The following RBFOX1 variants were observed in gnomAD, a reference collection of about 807,000 sequenced individuals.
RBFOX1 encodes the protein RNA binding protein fox-1 homolog 1.
RBFOX1 carries 8 observed loss-of-function variants against 57.7 expected under a neutral mutation model. That is an observed-to-expected ratio of 0.14 (90% CI 0.08 to 0.25). RBFOX1 has a LOEUF of 0.25. Among genes scored for constraint, RBFOX1 ranks in the 10% least tolerant of loss-of-function variants. The pLI is 1.00. For missense variants in RBFOX1, 611 were observed against 548.5 expected, an observed-to-expected ratio of 1.11 and a Z score of -1.14; for synonymous variants, 326 against 222.4, an observed-to-expected ratio of 1.47 and a Z score of -4.15.
intron 2 of RBFOX1, among the ~76,000 whole-genome samples, chr16:5,561,540 G>C (rs1317622387): frequency 6.6e-6 from 1 of 152,062 alleles, no homozygotes; most frequent in Non-Finnish European, 1.5e-5. Context: ...ACAAAAGAAA[G>C]CCATTATGCA....
intron 2 of RBFOX1, among the ~76,000 whole-genome samples, chr16:6,621,416 A>G (rs1279492610): frequency 2.0e-5 from 3 of 152,196 alleles, no homozygotes; most frequent in African/African-American, 7.2e-5. Context: ...GTGAACCAAG[A>G]TTGCGCCACT....
chr16:6,515,671 C>G (rs912277332), intron 2 of RBFOX1, among the ~76,000 whole-genome samples: 1 of 152,116 alleles, frequency 6.6e-6, no homozygotes, highest in South Asian at 2.1e-4. Context: ...AATCTGCCTG[C>G]CTTCTCTTAT....
At chr16:6,886,793 A>C (rs908340691) in intron 3 of RBFOX1, among the ~76,000 whole-genome samples, 3 of 151,496 alleles carry the variant, frequency 2.0e-5, no homozygotes, top group South Asian at 2.1e-4. Context: ...CAAAAAAAAA[A>C]CCAGAAAAAA....
intron 4 of RBFOX1, chr16:5,867,400 G>T (rs139499580): frequency 1.0e-6 from 1 of 985,350 alleles, no homozygotes; most frequent in Non-Finnish European, 1.3e-6. Flanking sequence ...TTGTGATGGA[G>T]TGTAACGAGC....
rs186362768 is a variant in RBFOX1 at position 5,724,404 on chromosome 16, T to G, written c.318+125443T>G. The stretch of plus-strand genomic sequence containing the variant: ...GGAGCTGCAGGTGATGGGCCTCATT[T>G]GGTCAAACTGGCTTCCCTTGAGTCT... On this transcript the variant is annotated intron_variant, in intron 3 of 19. Coordinates refer to the RBFOX1 transcript ENST00000641259. 4.6e-5 allele frequency among the ~76,000 whole-genome samples: 7 copies of G among 152,276 alleles called. 1 individual carries two copies. In the East Asian group the frequency reaches 1.4e-3, roughly 30 times the overall value.
At chr16:7,484,308 T>C (rs891960096) in intron 4 of RBFOX1, among the ~76,000 whole-genome samples, 3 of 152,222 alleles carry the variant, frequency 2.0e-5, no homozygotes, top group African/African-American at 7.2e-5. Context: ...TACATGTCTT[T>C]ATGTGGACAC....
chr16:6,862,753 G>C (rs1319346352), intron 3 of RBFOX1, among the ~76,000 whole-genome samples: 1 of 152,180 alleles, frequency 6.6e-6, no homozygotes, highest in Non-Finnish European at 1.5e-5. Flanking sequence ...GTAAGGCCGA[G>C]GCTGGTGGAT....
chr16:7,615,770 T>A (rs2058339009), intron 10 of RBFOX1, among the ~76,000 whole-genome samples: 1 of 152,086 alleles, frequency 6.6e-6, no homozygotes, highest in Non-Finnish European at 1.5e-5. Flanking sequence ...ATCTAGTGGG[T>A]GGAGGCCAAG....
intron 4 of RBFOX1, among the ~76,000 whole-genome samples, chr16:7,376,532 C>G (rs2097688948): frequency 2.0e-5 from 3 of 152,108 alleles, no homozygotes; most frequent in Non-Finnish European, 4.4e-5. Context: ...TGATAAGTCC[C>G]TAAATTCAGA....
intron 1 of RBFOX1, among the ~76,000 whole-genome samples, chr16:5,388,341 A>G (rs1380435057): frequency 6.6e-6 from 1 of 152,190 alleles, no homozygotes; most frequent in Non-Finnish European, 1.5e-5. Flanking sequence ...GATCTCTGCC[A>G]AGCGACAACA....
intron 2 of RBFOX1, among the ~76,000 whole-genome samples, chr16:6,411,176 T>A (rs1024978569): frequency 1.3e-5 from 2 of 151,904 alleles, no homozygotes; most frequent in Non-Finnish European, 2.9e-5. Context: ...AGAGGTGGAG[T>A]CTTGCAAAGT....
At chr16:7,008,498 C>A (rs1044065095) in intron 3 of RBFOX1, among the ~76,000 whole-genome samples, 4 of 152,034 alleles carry the variant, frequency 2.6e-5, no homozygotes, top group Non-Finnish European at 4.4e-5. Flanking sequence ...TGAGATCATA[C>A]CACTGCACTC....
At chr16:6,518,620 G>C (rs748499641) in intron 2 of RBFOX1, among the ~76,000 whole-genome samples, 2 of 152,090 alleles carry the variant, frequency 1.3e-5, no homozygotes, top group Non-Finnish European at 2.9e-5. Context: ...TCCAGCTCTT[G>C]GGGCTTCTTG....
At chr16:6,856,733 A>G (rs1253445978) in intron 3 of RBFOX1, among the ~76,000 whole-genome samples, 1 of 152,188 alleles carries the variant, frequency 6.6e-6, no homozygotes, top group Non-Finnish European at 1.5e-5. Context: ...AACTACCATG[A>G]GGCAATAATG....
chr16:7,119,196 C>A (rs997589153), intron 4 of RBFOX1, among the ~76,000 whole-genome samples: 24 of 152,142 alleles, frequency 1.6e-4, no homozygotes, highest in Admixed American at 1.1e-3. Flanking sequence ...AAATCCCACC[C>A]ACAAGCAATG....
chr16:6,378,861 G>A (rs60659749), intron 2 of RBFOX1, among the ~76,000 whole-genome samples: 45 of 152,218 alleles, frequency 3.0e-4, no homozygotes, highest in Middle Eastern at 3.4e-3. Flanking sequence ...TGTGCAAAAC[G>A]GATTGCAGGG....
intron 2 of RBFOX1, among the ~76,000 whole-genome samples, chr16:6,524,943 C>A (rs188671540): frequency 6.6e-6 from 1 of 152,144 alleles, no homozygotes; most frequent in African/African-American, 2.4e-5. Flanking sequence ...CTAATTATAT[C>A]GGCAAGGACC....
chr16:7,078,152 C>G (rs936571759), intron 4 of RBFOX1, among the ~76,000 whole-genome samples: 1 of 152,120 alleles, frequency 6.6e-6, no homozygotes, highest in African/African-American at 2.4e-5. Context: ...CATCTTTAGT[C>G]TCTGGATTTC....
chr16:6,845,635 C>T (rs184284693), intron 3 of RBFOX1, among the ~76,000 whole-genome samples: 46 of 151,586 alleles, frequency 3.0e-4, no homozygotes, highest in Admixed American at 9.2e-4. Context: ...CTATCACTTA[C>T]GACCCTTCAT....
Sources: allele counts gnomAD v4.1 joint callset (sites outside exome capture counted in the v4.1 genomes callset), GRCh38; gene constraint gnomAD v4.1.1; transcripts MANE v1.5; gene names NCBI Gene and HGNC (gene_info 2026-07-23, HGNC 2026-07-21).